Variants in USP9Y observed in about 807,000 individuals in gnomAD.
USP9Y encodes ubiquitin carboxyl-terminal hydrolase 9Y.
Under a neutral mutation model 53.1 loss-of-function variants are expected in USP9Y, and 41 were observed. That is an observed-to-expected ratio of 0.77 (90% CI 0.60 to 1.00). The LOEUF (loss-of-function observed/expected upper bound fraction) is 1.00. Among genes scored for constraint, USP9Y ranks in the 50% least tolerant of loss-of-function variants. The probability of loss-of-function intolerance (pLI) is 0.00; values close to 1 mark genes in which losing one functional copy is unlikely to be tolerated. For synonymous variants in USP9Y, 220 were observed against 173.7 expected, an observed-to-expected ratio of 1.27 and a Z score of -2.09; for missense variants, 567 against 535.8, an observed-to-expected ratio of 1.06 and a Z score of -0.58.
intron 25 of USP9Y, among the ~76,000 whole-genome samples, chrY:12,791,070 C>T (rs771366458): frequency 3.0e-5 from 1 of 33,376 alleles, no homozygotes; most frequent in Admixed American, 2.7e-4. Context: ...TTGGATTATT[C>T]ACAACAGTCT....
chrY:12,745,892 A>G, intron 12 of USP9Y, among the ~76,000 whole-genome samples: 1 of 33,989 alleles, frequency 2.9e-5, no homozygotes, highest in African/African-American at 1.1e-4. Flanking sequence ...AGTTCAGTCC[A>G]TTCTGTTAAC....
chrY:12,751,592 G>A, intron 12 of USP9Y, among the ~76,000 whole-genome samples: 2 of 33,418 alleles, frequency 6.0e-5, no homozygotes, highest in South Asian at 6.8e-4. Context: ...CTTTTTGTCC[G>A]CTTTAACAGG....
chrY:12,717,868 T>C (rs2053432355), intron 3 of USP9Y, among the ~76,000 whole-genome samples: 1 of 33,208 alleles, frequency 3.0e-5, no homozygotes, highest in Non-Finnish European at 7.4e-5. Flanking sequence ...AGTGGTCTTC[T>C]ATTTTGTTCT....
rs1451994319 is a variant in USP9Y, at chrY:12,842,255, C to T, written c.6228C>T (p.Cys2076=). 14 of 397,351 alleles carry T rather than the reference C, an allele frequency of 3.5e-5. No homozygotes were observed. Among genetic ancestry groups the T allele is most frequent in the Middle Eastern group, 5.9e-4 (1 of 1,694 alleles). ...TCTGTTTTAGGTATGATGCACTGTGCGTTCTTCTCCGTCACAGCAAAAATG... is the reference window on the plus strand; with the variant it reads ...TCTGTTTTAGGTATGATGCACTGTGTGTTCTTCTCCGTCACAGCAAAAATG... ...GPASDWYDAL[C]VLLRHSKNVR... is the part of the protein sequence containing the mutation. The change falls in exon 38 of 46, where the codon TGC becomes TGT. Residue 2076 remains cysteine (C), a synonymous_variant. Coordinates refer to ENST00000338981, the MANE Select transcript of USP9Y (RefSeq NM_004654.4).
At chrY:12,839,824 T>C in intron 35 of USP9Y, 40 bp from the exon 36 acceptor site, 4 of 377,005 alleles carry the variant, frequency 1.1e-5, no homozygotes, top group Non-Finnish European at 1.5e-5. Flanking sequence ...TCTGTTCTAG[T>C]TACAAGAGAA....
intron 15 of USP9Y, among the ~76,000 whole-genome samples, chrY:12,762,495 C>T: frequency 3.0e-5 from 1 of 33,423 alleles, no homozygotes; most frequent in African/African-American, 1.2e-4. Context: ...GAAGAAATTC[C>T]ACATTCTCAT....
At chrY:12,713,701 T>G (rs2053427103) in intron 3 of USP9Y, among the ~76,000 whole-genome samples, 1 of 32,257 alleles carries the variant, frequency 3.1e-5, no homozygotes, top group Admixed American at 2.9e-4. Flanking sequence ...ATAGGTAAGA[T>G]GTTTGCCTGT....
chrY:12,727,626 G>A, intron 7 of USP9Y, among the ~76,000 whole-genome samples: 4 of 31,770 alleles, frequency 1.3e-4, no homozygotes, highest in African/African-American at 4.9e-4. Flanking sequence ...AATATTTAGC[G>A]CATGAAAAAA....
chrY:12,758,387 T>C, intron 13 of USP9Y, 119 bp from the exon 14 acceptor site: 2 of 151,155 alleles, frequency 1.3e-5, no homozygotes, highest in African/African-American at 1.8e-4. Context: ...AATTACATCA[T>C]AAATTTGGTG....
intron 3 of USP9Y, among the ~76,000 whole-genome samples, chrY:12,711,153 G>C: frequency 3.1e-5 from 1 of 32,680 alleles, no homozygotes. Flanking sequence ...GCTAATGCTG[G>C]CTCACCTGAC....
At chrY:12,832,136 GT>G (rs2053551362) in intron 33 of USP9Y, among the ~76,000 whole-genome samples, 1 of 32,907 alleles carries the variant, frequency 3.0e-5, no homozygotes. Flanking sequence ...TCAATAAGAA[GT>G]TTTTAGGGGT....
chrY:12,843,188 A>G lies in USP9Y; in HGVS notation c.6563A>G (p.Asn2188Ser). ...TTTAATTTGTTTGTAATGTATGCCAATTTAGGTAAGAATTTTTCACAACTA... is the reference window on the plus strand; with the variant it reads ...TTTAATTTGTTTGTAATGTATGCCAGTTTAGGTAAGAATTTTTCACAACTA... ...QYFNLFVMYA[N>S]LGVAEKTQLL... Residue 2188 changes from asparagine (N) to serine (S), a missense_variant, in exon 39 of 46, where the codon AAT (asparagine) becomes AGT (serine). Coordinates refer to ENST00000338981, the MANE Select transcript of USP9Y (RefSeq NM_004654.4). 2 of 379,954 alleles carry G rather than the reference A, an allele frequency of 5.3e-6. No individual in the cohort carries two copies. The highest frequency in any genetic ancestry group is 7.5e-6 in the Non-Finnish European group (2 of 268,198). 94.8% of individuals were successfully genotyped at this position (379,954 alleles called of 400,897 possible).
At chrY:12,777,933 T>G in intron 19 of USP9Y, 86 bp from the exon 20 acceptor site, 1 of 227,617 alleles carries the variant, frequency 4.4e-6, no homozygotes, top group Admixed American at 1.1e-4. Flanking sequence ...TATTAAATTT[T>G]CAGGGTTTTT....
intron 12 of USP9Y, among the ~76,000 whole-genome samples, chrY:12,747,970 T>C: frequency 3.1e-5 from 1 of 32,470 alleles, no homozygotes; most frequent in Non-Finnish European, 7.6e-5. Flanking sequence ...GTGGCCAATA[T>C]AGTGAAACCT....
At chrY:12,749,068 T>C in intron 12 of USP9Y, among the ~76,000 whole-genome samples, 6 of 33,764 alleles carry the variant, frequency 1.8e-4, no homozygotes, top group African/African-American at 7.0e-4. Flanking sequence ...CTCCATTTTC[T>C]GATGTTATCA....
chrY:12,799,652 G>T (rs1603200953), intron 27 of USP9Y, among the ~76,000 whole-genome samples: 1 of 33,506 alleles, frequency 3.0e-5, no homozygotes. Flanking sequence ...TTCCTAGGCT[G>T]ACTAAGAATT....
intron 33 of USP9Y, among the ~76,000 whole-genome samples, chrY:12,831,402 A>G: frequency 3.0e-5 from 1 of 33,095 alleles, no homozygotes; most frequent in Non-Finnish European, 7.4e-5. Flanking sequence ...ACCCTTGTGT[A>G]CTAAGGGTGG....
chrY:12,857,686 C>T, intron 45 of USP9Y, 25 bp downstream of exon 45: 1 of 322,012 alleles, frequency 3.1e-6, no homozygotes, highest in Non-Finnish European at 4.5e-6. Flanking sequence ...TCATTTTTAT[C>T]CCCCAAACCC....
At chrY:12,845,669 C>T in intron 39 of USP9Y, among the ~76,000 whole-genome samples, 2 of 32,920 alleles carry the variant, frequency 6.1e-5, no homozygotes. Flanking sequence ...TAGTTTCTGT[C>T]TTACTTTGTT....
Sources: gnomAD v4.1 joint callset for allele counts (sites outside exome capture counted in the v4.1 genomes callset) on GRCh38, gnomAD v4.1.1 for gene constraint, MANE v1.5 for transcripts, NCBI Gene and HGNC (gene_info 2026-07-23, HGNC 2026-07-21) for gene names.